The following VPS13D variants were observed in gnomAD, a reference collection of about 807,000 sequenced individuals.
VPS13D encodes the protein vacuolar protein sorting 13 homolog D, also known as intermembrane lipid transfer protein VPS13D.
In VPS13D, 187 loss-of-function variants were observed where a neutral mutation model predicts 461.9. The observed-to-expected ratio is 0.40, with a 90% CI of 0.36 to 0.46. VPS13D has a LOEUF of 0.46. Among genes scored for constraint, VPS13D ranks in the 20% least tolerant of loss-of-function variants. The pLI is 0.60. For missense variants in VPS13D, 4,711 were observed against 5,364.9 expected, an observed-to-expected ratio of 0.88 and a Z score of 3.81; for synonymous variants, 1,951 against 1,986.3, an observed-to-expected ratio of 0.98 and a Z score of 0.47.
Position 12,292,262 on chromosome 1 carries a change from C to CAAAAAAAAA in VPS13D, c.5852+1154_5852+1162dup, listed in dbSNP as rs766212937. On this transcript the variant is annotated intron_variant, in intron 23 of 69. Transcript: ENST00000620676. Reference sequence around the variant, plus strand: ...GGGTGACAAGAGCGAAACTCCATCTCAAAAAAAAAAAAAAAAAAAAAAAAG... The same window carrying CAAAAAAAAA: ...GGGTGACAAGAGCGAAACTCCATCTCAAAAAAAAAAAAAAAAAAAAAAAAAAAAAAAAAG... 1.4e-3 allele frequency among the ~76,000 whole-genome samples: 17 copies of CAAAAAAAAA among 12,246 alleles called. 1 individual carries two copies. The highest frequency in any genetic ancestry group is 1.9e-3 in the Non-Finnish European group (13 of 6,960). 8.0% of individuals were successfully genotyped at this position (12,246 alleles called of 152,430 possible).
At chr1:12,289,697 T>TA (rs943722108) in intron 22 of VPS13D, among the ~76,000 whole-genome samples, 6 of 151,996 alleles carry the variant, frequency 3.9e-5, no homozygotes, top group Non-Finnish European at 7.4e-5. Flanking sequence ...CTCACGCCTG[T>TA]AATCCTAGCA....
intron 65 of VPS13D, among the ~76,000 whole-genome samples, chr1:12,435,598 T>C (rs777755734): frequency 6.6e-6 from 1 of 152,178 alleles, no homozygotes; most frequent in Non-Finnish European, 1.5e-5. Flanking sequence ...ATGAGGATAC[T>C]GACGTTCAGA....
At chr1:12,260,374 C>G (rs1641070617) in intron 10 of VPS13D, among the ~76,000 whole-genome samples, 1 of 152,108 alleles carries the variant, frequency 6.6e-6, no homozygotes, top group Non-Finnish European at 1.5e-5. Flanking sequence ...CGCTCCCTCT[C>G]CATTCACCAT....
intron 5 of VPS13D, among the ~76,000 whole-genome samples, chr1:12,246,658 G>A (rs1480997945): frequency 6.6e-6 from 1 of 152,152 alleles, no homozygotes; most frequent in African/African-American, 2.4e-5. Context: ...GGAAGGTCAG[G>A]GGCCTGTGTC....
In VPS13D at chr1:12,355,962, A is replaced by G. The variant is rs1490770985; in HGVS notation, c.9743A>G (p.Tyr3248Cys). Residue 3248 changes from tyrosine (Y) to cysteine (C), a missense_variant, in exon 48 of 70, where the codon TAT becomes TGT. By Grantham distance (194) the Tyr-to-Cys change is radical (BLOSUM62 -2). Around this residue, in one of 3 missense-constraint regions of VPS13D, gnomAD observed 4,411 missense variants for 4,937.8 expected, o/e 0.89. Transcript: ENST00000620676. ...ELLIPPGTQN[Y>C]MVRMRLYDVN... ...CTCATTCCACCTGGAACCCAAAACT[A>G]TATGGTGAGAATGCGACTCTATGAC... is the stretch of plus-strand genomic sequence containing the variant. 1 of 1,613,830 alleles carries G rather than the reference A, an allele frequency of 6.2e-7. No individual in the cohort carries two copies. Among genetic ancestry groups the G allele is most frequent in the Non-Finnish European group, 8.5e-7 (1 of 1,179,768 alleles).
At position 12,416,794 on chromosome 1, in the gene VPS13D, T is replaced by C. The variant is rs749893261; in HGVS notation, c.12300T>C (p.Asn4100=). 3 of 1,613,278 alleles carry C rather than the reference T, an allele frequency of 1.9e-6. No individual in the cohort carries two copies. The highest frequency in any genetic ancestry group is 2.5e-6 in the Non-Finnish European group (3 of 1,179,778). ...KYGNVGGLIR[N]VTHGVSNSAA... Reference sequence around the variant, plus strand: ...GAAATGTCGGGGGCCTCATCAGAAATGTTACACACGGAGTATCAAACTCTG... The same window carrying C: ...GAAATGTCGGGGGCCTCATCAGAAACGTTACACACGGAGTATCAAACTCTG... Residue 4100 remains asparagine, a synonymous_variant, in exon 65 of 70, where the codon AAT becomes AAC. Coordinates refer to ENST00000620676, the MANE Select transcript of VPS13D (RefSeq NM_015378.4).
At position 12,311,809 on chromosome 1, in the gene VPS13D, G is replaced by A. The variant is rs749105292; in HGVS notation, c.6823-4G>A. 21 of 1,612,500 alleles carry A rather than the reference G, an allele frequency of 1.3e-5. No individual in the cohort carries two copies. The highest frequency in any genetic ancestry group is 1.8e-5 in the Non-Finnish European group (21 of 1,179,140). ...GTGGATTGACGAGCATTTTCCTTTT[G>A]TAGACTGTCCTGAGTGGAGAAGTGT... On this transcript the variant is annotated splice_polypyrimidine_tract_variant and splice_region_variant and intron_variant, in intron 28 of 69. Coordinates refer to ENST00000620676, the MANE Select transcript of VPS13D (RefSeq NM_015378.4).
At chr1:12,323,881 T>G in intron 35 of VPS13D, 101 bp downstream of exon 35, 1 of 1,212,238 alleles carries the variant, frequency 8.2e-7, no homozygotes, top group Non-Finnish European at 1.2e-6. Flanking sequence ...GAGCTGAGTG[T>G]GTTTGGAGGA....
intron 65 of VPS13D, among the ~76,000 whole-genome samples, chr1:12,439,583 T>G (rs1180661303): frequency 1.3e-5 from 2 of 152,224 alleles, no homozygotes; most frequent in African/African-American, 4.8e-5. Flanking sequence ...ACATGAATTT[T>G]CATACAACAT....
At chr1:12,252,243 T>C (rs1363697139) in intron 6 of VPS13D, among the ~76,000 whole-genome samples, 1 of 152,196 alleles carries the variant, frequency 6.6e-6, no homozygotes, top group Non-Finnish European at 1.5e-5. Flanking sequence ...AAGACACTAT[T>C]CAACCTAGTG....
chr1:12,243,271 A>G (rs1640440669), intron 3 of VPS13D, among the ~76,000 whole-genome samples: 1 of 151,344 alleles, frequency 6.6e-6, no homozygotes, highest in African/African-American at 2.4e-5. Context: ...TTATTTATGT[A>G]TTTATTTATT....
intron 10 of VPS13D, among the ~76,000 whole-genome samples, chr1:12,259,186 C>T (rs970419980): frequency 6.6e-6 from 1 of 151,876 alleles, no homozygotes; most frequent in Non-Finnish European, 1.5e-5. Flanking sequence ...GGACTACAGG[C>T]CCGCATCACA....
At chr1:12,258,520 G>A (rs1390103285) in intron 10 of VPS13D, among the ~76,000 whole-genome samples, 1 of 152,180 alleles carries the variant, frequency 6.6e-6, no homozygotes, top group East Asian at 1.9e-4. Context: ...GGATATTTAG[G>A]TTGTAGAGGC....
chr1:12,400,308 G>A lies in VPS13D; in HGVS notation c.11762G>A (p.Ser3921Asn). 1 of 1,614,146 alleles carries A rather than the reference G, an allele frequency of 6.2e-7. No homozygotes were observed. The highest frequency in any genetic ancestry group is 1.1e-5 in the South Asian group (1 of 91,072). Residue 3921 changes from serine to asparagine, a missense_variant, in exon 61 of 70, where the codon AGT becomes AAT. Physicochemically the swap from Ser to Asn is conservative, Grantham distance 46. Coordinates refer to ENST00000620676, the MANE Select transcript of VPS13D (RefSeq NM_015378.4). ...AACGCAGTGAAGTTCCCCAGTAAGA[G>A]TGCACTGACCAACATCTACAAGGTG... is the stretch of plus-strand genomic sequence containing the variant. ...QVNAVKFPSK[S>N]ALTNIYKHLM...
chr1:12,379,278 C>T lies in VPS13D; in HGVS notation c.11082-210C>T, dbSNP rs140976220. On this transcript the variant is annotated intron_variant, in intron 56 of 69. Coordinates refer to ENST00000620676, the MANE Select transcript of VPS13D (RefSeq NM_015378.4). ...AAATCTTTAATGTCTTACTTTGTGT[C>T]CCCTCTTCATGTTTTTCCATTTTGC... Among the ~76,000 whole-genome samples, 8 of 152,212 alleles carry T rather than the reference C, an allele frequency of 5.3e-5. No individual in the cohort carries two copies. In the East Asian group the frequency reaches 1.3e-3, roughly 26 times the overall value.
At chr1:12,294,551 C>A (rs546113960) in intron 24 of VPS13D, among the ~76,000 whole-genome samples, 2 of 152,232 alleles carry the variant, frequency 1.3e-5, no homozygotes, top group South Asian at 2.1e-4. Flanking sequence ...TGGTGGCTCA[C>A]GCCTGTAAAT....
At position 12,318,347 on chromosome 1, in the gene VPS13D, T is replaced by C. The variant is rs778011631; in HGVS notation, c.7414+10T>C. On this transcript the variant is annotated intron_variant, in intron 31 of 69. Transcript: ENST00000620676. The stretch of plus-strand genomic sequence containing the variant: ...AAGGTCAATGTAACAGGTGATTATA[T>C]GTGGGTGTGATTCATTGGTGCTTAG... The C allele has an allele frequency of 2.9e-5, 46 of 1,600,374 alleles. No individual in the cohort carries two copies. Among genetic ancestry groups the C allele is most frequent in the Non-Finnish European group, 3.8e-5 (44 of 1,169,584 alleles).
chr1:12,451,445 G>A (rs1645261032), intron 65 of VPS13D, among the ~76,000 whole-genome samples: 1 of 152,242 alleles, frequency 6.6e-6, no homozygotes, highest in South Asian at 2.1e-4. Context: ...CATTGTCTTT[G>A]TGAGTGTAAC....
chr1:12,295,708 A>G (rs967541325), intron 24 of VPS13D, among the ~76,000 whole-genome samples: 7 of 152,198 alleles, frequency 4.6e-5, no homozygotes, highest in Non-Finnish European at 1.0e-4. Flanking sequence ...TGTAGCATGT[A>G]TATATGTCAC....
Sources: allele counts gnomAD v4.1 joint callset (sites outside exome capture counted in the v4.1 genomes callset), GRCh38; gene constraint gnomAD v4.1.1; regional missense constraint gnomAD v4.1.1; transcripts MANE v1.5; gene names NCBI Gene and HGNC (gene_info 2026-07-23, HGNC 2026-07-21).